ADCY7: variants seen among roughly 807,000 people sequenced by gnomAD.
ADCY7 encodes adenylate cyclase 7.
In ADCY7, 72 loss-of-function variants were observed where a neutral mutation model predicts 120.6. That is an observed-to-expected ratio of 0.60 (90% CI 0.49 to 0.73). The LOEUF (loss-of-function observed/expected upper bound fraction) is 0.73. Among genes scored for constraint, ADCY7 ranks in the 30% least tolerant of loss-of-function variants. The probability of loss-of-function intolerance (pLI) is 0.00; values close to 1 mark genes in which losing one functional copy is unlikely to be tolerated. For synonymous variants in ADCY7, 661 were observed against 628.0 expected, an observed-to-expected ratio of 1.05 and a Z score of -0.78; for missense variants, 1,227 against 1,486.0, an observed-to-expected ratio of 0.83 and a Z score of 2.87.
At chr16:50,249,097 C>T (rs912090156) in intron 1 of ADCY7, among the ~76,000 whole-genome samples, 2 of 152,216 alleles carry the variant, frequency 1.3e-5, no homozygotes, top group African/African-American at 2.4e-5. Flanking sequence ...TTTGCTGTGC[C>T]TTCTTCCTGT....
intron 7 of ADCY7, among the ~76,000 whole-genome samples, chr16:50,296,361 ATT>A (rs34381393): frequency 7.2e-6 from 1 of 139,546 alleles, no homozygotes; most frequent in South Asian, 2.3e-4. Flanking sequence ...CCCCATCAGA[ATT>A]TTTTTTTTTT....
At chr16:50,287,205 G>A (rs1053406695) in intron 1 of ADCY7, among the ~76,000 whole-genome samples, 3 of 151,326 alleles carry the variant, frequency 2.0e-5, no homozygotes, top group African/African-American at 7.3e-5. Flanking sequence ...TAGTGGAGGG[G>A]GGTTTTACCA....
At chr16:50,303,378 C>T (rs886301945) in intron 10 of ADCY7, among the ~76,000 whole-genome samples, 12 of 152,186 alleles carry the variant, frequency 7.9e-5, no homozygotes, top group Non-Finnish European at 1.3e-4. Context: ...TGTGGCTTAT[C>T]GAGTGCTTGT....
chr16:50,277,708 T>TC lies in ADCY7; in HGVS notation c.-268-10203dup, dbSNP rs1197416236. On this transcript the variant is annotated intron_variant, in intron 1 of 25. Transcript: ENST00000673801. Reference sequence around the variant, plus strand: ...TTTTTTGAGGCGGAGTCTTGCTCTGTCACCCAGGCTGGAGTGCAGTGGCAC... The same window carrying TC: ...TTTTTTGAGGCGGAGTCTTGCTCTGTCCACCCAGGCTGGAGTGCAGTGGCAC... 8.9e-5 allele frequency among the ~76,000 whole-genome samples: 13 copies of TC among 146,084 alleles called. No individual in the cohort carries two copies. In the East Asian group the frequency reaches 2.4e-3, roughly 27 times the overall value.
chr16:50,276,946 A>AT (rs576527825), intron 1 of ADCY7, among the ~76,000 whole-genome samples: 1,605 of 145,356 alleles, frequency 0.011, 10 homozygotes, highest in Non-Finnish European at 0.013. Context: ...CCTATTACAC[A>AT]TTTTTTTTTT....
In ADCY7 at chr16:50,288,168, C is replaced by T. The variant is rs1248030156; in HGVS notation, c.-12C>T. ...AACGGCCCCTTAACGACACGCGTGCCAAGGGTGGAGGATGCCAGCCAAGGG... is the reference window on the plus strand; with the variant it reads ...AACGGCCCCTTAACGACACGCGTGCTAAGGGTGGAGGATGCCAGCCAAGGG... On this transcript the variant is annotated 5_prime_UTR_variant, in exon 2 of 26. Coordinates refer to ENST00000673801, the MANE Select transcript of ADCY7 (RefSeq NM_001114.5). 4 of 1,541,994 alleles carry T rather than the reference C, an allele frequency of 2.6e-6. No individual in the cohort carries two copies. In the South Asian group the frequency reaches 3.6e-5, roughly 14 times the overall value.
chr16:50,313,284 G>T, intron 22 of ADCY7: 1 of 387,558 alleles, frequency 2.6e-6, no homozygotes, highest in South Asian at 2.3e-5. Flanking sequence ...AGCTGGGCTT[G>T]GGGCGCACAC....
At chr16:50,282,880 A>G (rs1403331896) in intron 1 of ADCY7, among the ~76,000 whole-genome samples, 6 of 150,080 alleles carry the variant, frequency 4.0e-5, no homozygotes, top group South Asian at 4.2e-4. Context: ...CTGGCTAATT[A>G]AAAAAAAAAT....
At chr16:50,245,404 C>A (rs1165557492), upstream of ADCY7, among the ~76,000 whole-genome samples, 1 of 152,176 alleles carries the variant, frequency 6.6e-6, no homozygotes, top group Non-Finnish European at 1.5e-5. Context: ...GAAATGCCCT[C>A]GTAGACTTGA....
chr16:50,314,859 A>T, intron 24 of ADCY7, 155 bp from the exon 25 acceptor site: 2 of 995,540 alleles, frequency 2.0e-6, no homozygotes, highest in Non-Finnish European at 3.0e-6. Flanking sequence ...CCCAAGCCCG[A>T]CTGCAACGCA....
In ADCY7 at chr16:50,298,878, G is replaced by T; in HGVS notation, c.949-26G>T. On this transcript the variant is annotated intron_variant, in intron 7 of 25. Transcript: ENST00000673801. Reference sequence around the variant, plus strand: ...AGGTCCCAGCCCCACATCTTCCAGTGACCAGGCCCTTCCCTCACCCTGCAG... The same window carrying T: ...AGGTCCCAGCCCCACATCTTCCAGTTACCAGGCCCTTCCCTCACCCTGCAG... The T allele has an allele frequency of 1.9e-6, 3 of 1,606,614 alleles. No homozygotes were observed. In the South Asian group the frequency reaches 3.3e-5, roughly 18 times the overall value.
chr16:50,252,272 A>G (rs1359218095), intron 1 of ADCY7, among the ~76,000 whole-genome samples: 3 of 152,134 alleles, frequency 2.0e-5, no homozygotes, highest in Non-Finnish European at 2.9e-5. Context: ...GTCAGTGTTG[A>G]GCAGGGCTGA....
Position 50,292,749 on chromosome 16 carries a change from C to T in ADCY7, c.611C>T (p.Ala204Val), listed in dbSNP as rs1459750280. 2.5e-6 allele frequency: 4 copies of T among 1,614,002 alleles called. No individual in the cohort carries two copies. The highest frequency in any genetic ancestry group is 3.4e-6 in the Non-Finnish European group (4 of 1,180,002). The change falls in exon 5 of 26, where the codon GCA becomes GTA. Residue 204 changes from alanine to valine, a missense_variant. Physicochemically the swap from Ala to Val is moderately conservative, Grantham distance 64. Transcript: ENST00000673801. ...GAFHKHQMQD[A>V]SRDLFTYTVK... Reference sequence around the variant, plus strand: ...TTCCACAAGCACCAAATGCAGGATGCATCCCGGGACCTCTTCACCTACACT... The same window carrying T: ...TTCCACAAGCACCAAATGCAGGATGTATCCCGGGACCTCTTCACCTACACT...
intron 1 of ADCY7, among the ~76,000 whole-genome samples, chr16:50,260,409 G>A (rs1281192263): frequency 6.6e-6 from 1 of 152,190 alleles, no homozygotes; most frequent in Non-Finnish European, 1.5e-5. Flanking sequence ...TTGAGACTTT[G>A]TGGGGATTCA....
intron 2 of ADCY7, among the ~76,000 whole-genome samples, chr16:50,289,717 C>T (rs569551424): frequency 4.6e-5 from 7 of 152,260 alleles, no homozygotes; most frequent in Middle Eastern, 3.4e-3. Context: ...CCACCTGCCT[C>T]GGCCTCCCAA....
At chr16:50,314,517 CCT>C (rs1467955992) in intron 24 of ADCY7, 111 bp downstream of exon 24, 13 of 749,902 alleles carry the variant, frequency 1.7e-5, no homozygotes, top group Admixed American at 1.1e-4. Context: ...TTTAGAAATC[CCT>C]CTGATCTGAC....
chr16:50,298,735 G>A (rs1327487843), intron 7 of ADCY7, among the ~76,000 whole-genome samples, 169 bp from the exon 8 acceptor site: 1 of 152,098 alleles, frequency 6.6e-6, no homozygotes, highest in Non-Finnish European at 1.5e-5. Context: ...CCCCCATGTC[G>A]CTAAGCCTTT....
At chr16:50,304,019 G>A (rs775519519) in intron 10 of ADCY7, among the ~76,000 whole-genome samples, 1 of 152,014 alleles carries the variant, frequency 6.6e-6, no homozygotes, top group Non-Finnish European at 1.5e-5. Context: ...CTCGGGCTTG[G>A]GACCCAAGCC....
intron 1 of ADCY7, among the ~76,000 whole-genome samples, chr16:50,253,412 C>T (rs866227178): frequency 6.6e-6 from 1 of 152,102 alleles, no homozygotes; most frequent in South Asian, 2.1e-4. Flanking sequence ...CCACCATGCC[C>T]GACTAATTTT....
Sources: gnomAD v4.1 joint callset for allele counts (sites outside exome capture counted in the v4.1 genomes callset) on GRCh38, gnomAD v4.1.1 for gene constraint, MANE v1.5 for transcripts, NCBI Gene and HGNC (gene_info 2026-07-23, HGNC 2026-07-21) for gene names.